The following LEFTY2 variants were observed in gnomAD, a reference collection of about 807,000 sequenced individuals.
LEFTY2 encodes the protein left-right determination factor 2, also known as TGF-beta-4.
A neutral mutation model predicts 26.4 loss-of-function variants in LEFTY2; 10 were observed. That is an observed-to-expected ratio of 0.38 (90% CI 0.23 to 0.64). LEFTY2 has a LOEUF of 0.64. Among genes scored for constraint, LEFTY2 ranks in the 30% least tolerant of loss-of-function variants. The pLI is 0.56. For missense variants in LEFTY2, 407 were observed against 502.1 expected (o/e 0.81, Z 1.81); for synonymous variants, 204 against 234.1 (o/e 0.87, Z 1.17).
chr1:225,939,248 C>T lies in LEFTY2; in HGVS notation c.737+113G>A. 2 of 1,526,390 alleles carry T rather than the reference C, an allele frequency of 1.3e-6. No homozygotes were observed. The highest frequency in any genetic ancestry group is 8.9e-7 in the Non-Finnish European group (1 of 1,124,702). The allele number at this position is 1,526,390 out of a possible 1,614,324, so 94.6% of individuals were successfully genotyped here. A position where few individuals can be genotyped will look rare whatever the true frequency, so the allele number is the denominator to read the frequency against. Reference sequence around the variant, plus strand: ...GCATCCTGGGACAGTCTGCACCGCGCTCTCCCTACCCCTAGCCCACCGCCA... The same window carrying T: ...GCATCCTGGGACAGTCTGCACCGCGTTCTCCCTACCCCTAGCCCACCGCCA... On this transcript the variant is annotated intron_variant, in intron 3 of 3. Coordinates refer to ENST00000366820, the MANE Select transcript of LEFTY2 (RefSeq NM_003240.5). This position sits in a 1 kb window ranked among gnomAD's most constrained non-coding sequence, Gnocchi z 4.1.
In LEFTY2 at chr1:225,937,418, G is replaced by T. The variant is rs191981298; in HGVS notation, c.*23C>A. 2 of 1,613,622 alleles carry T rather than the reference G, an allele frequency of 1.2e-6. No individual in the cohort carries two copies. Among genetic ancestry groups the T allele is most frequent in the African/African-American group, 1.3e-5 (1 of 74,894 alleles). On this transcript the variant is annotated 3_prime_UTR_variant, in exon 4 of 4. Transcript: ENST00000366820. ...CCTCTATGCACACGTTCAGTTAGAG[G>T]GCTCAATGGATACACCAGGCGCCTA...
At chr1:225,938,109 G>A (rs1672203756) in intron 3 of LEFTY2, among the ~76,000 whole-genome samples, 1 of 152,172 alleles carries the variant, frequency 6.6e-6, no homozygotes, top group Admixed American at 6.5e-5. Flanking sequence ...TCCACCTGAG[G>A]CCACTGACAC....
In LEFTY2 at chr1:225,939,328, G is replaced by T. The variant is rs1242145949; in HGVS notation, c.737+33C>A. The T allele has an allele frequency of 6.2e-7, 1 of 1,612,728 alleles. No individual in the cohort carries two copies. The highest frequency in any genetic ancestry group is 2.2e-5 in the East Asian group (1 of 44,820). On this transcript the variant is annotated intron_variant, in intron 3 of 3. Coordinates refer to ENST00000366820, the MANE Select transcript of LEFTY2 (RefSeq NM_003240.5). The surrounding 1 kb of genome is among the most constrained non-coding windows in gnomAD (Gnocchi z 4.1). Reference sequence around the variant, plus strand: ...CGGGGGTCTGGACCACTCAGTGGCTGCTTGCCTCCCTTCTGCCCAGTCCTG... The same window carrying T: ...CGGGGGTCTGGACCACTCAGTGGCTTCTTGCCTCCCTTCTGCCCAGTCCTG...
At position 225,940,934 on chromosome 1, in the gene LEFTY2, G is replaced by A. The variant is rs568973467; in HGVS notation, c.207C>T (p.His69=). ...AQYVVLLRRS[H]GDRSRGKRFS... is the part of the protein sequence containing the mutation. ...ACCTCTTTCCGCGGGAGCGGTCCCC[G>A]TGGCTGCGCCGCAGCAGGACTACAT... Residue 69 remains histidine (H), a synonymous_variant, in exon 1 of 4, where the codon CAC becomes CAT. Transcript: ENST00000366820. 3 of 1,613,638 alleles carry A rather than the reference G, an allele frequency of 1.9e-6. No individual in the cohort carries two copies. The highest frequency in any genetic ancestry group is 2.7e-5 in the African/African-American group (2 of 75,030).
Position 225,937,209 on chromosome 1 carries a change from C to T in LEFTY2, c.*232G>A. ...TTGCTCAGCTGTATCTTGTAATCAG[C>T]ATGCCAGCATTTCCTACTAGAGCTC... is the stretch of plus-strand genomic sequence containing the variant. On this transcript the variant is annotated 3_prime_UTR_variant, in exon 4 of 4. Transcript: ENST00000366820. The T allele has an allele frequency of 1.6e-6, 1 of 632,806 alleles. No homozygotes were observed. The highest frequency in any genetic ancestry group is 2.7e-6 in the Non-Finnish European group (1 of 365,824). The allele number at this position is 632,806 out of a possible 1,614,324, so 39.2% of individuals were successfully genotyped here. A position where few individuals can be genotyped will look rare whatever the true frequency, so the allele number is the denominator to read the frequency against.
At position 225,937,769 on chromosome 1, in the gene LEFTY2, G is replaced by A. The variant is rs143245498; in HGVS notation, c.773C>T (p.Thr258Ile). The A allele has an allele frequency of 4.7e-5, 76 of 1,611,928 alleles. No homozygotes were observed. Among genetic ancestry groups the A allele is most frequent in the African/African-American group, 2.1e-4 (16 of 74,994 alleles). The stretch of plus-strand genomic sequence containing the variant: ...CTGGCGGCAGCAGCGGGTGCCCTCG[G>A]TCATTGGTGCTTCAGGGTCACAGTC... Reference protein sequence around the residue: ...QGDCDPEAPMTEGTRCCRQEM... With the variant: ...QGDCDPEAPMIEGTRCCRQEM... The change falls in exon 4 of 4, where the codon ACC (threonine) becomes ATC (isoleucine). Residue 258 changes from threonine to isoleucine, a missense_variant. Transcript: ENST00000366820.
chr1:225,940,638 C>T (rs557736484), intron 1 of LEFTY2, among the ~76,000 whole-genome samples: 81 of 152,246 alleles, frequency 5.3e-4, no homozygotes, highest in African/African-American at 1.9e-3. Context: ...TCTACCCTCC[C>T]CTTCTCTGAA....
rs1373707906 is a variant in LEFTY2 at position 225,940,000 on chromosome 1, C to T, written c.253G>A (p.Val85Met). Residue 85 changes from valine to methionine, a missense_variant and splice_region_variant, in exon 2 of 4, where the codon GTG becomes ATG. Physicochemically the swap from Val to Met is conservative, Grantham distance 21 (BLOSUM62 1). Transcript: ENST00000366820. The surrounding 1 kb of genome is among the most constrained non-coding windows in gnomAD (Gnocchi z 4.1). ...GKRFSQSFREVAGRFLASEAS... is the reference protein window; with the variant it reads ...GKRFSQSFREMAGRFLASEAS... Reference sequence around the variant, plus strand: ...TCCGACGCCAGGAACCTGCCGGCCACCTCTGGGGACAAGAGCAGGGTCAGC... The same window carrying T: ...TCCGACGCCAGGAACCTGCCGGCCATCTCTGGGGACAAGAGCAGGGTCAGC... 1 of 1,595,750 alleles carries T rather than the reference C, an allele frequency of 6.3e-7. No homozygotes were observed. Among genetic ancestry groups the T allele is most frequent in the Non-Finnish European group, 8.5e-7 (1 of 1,179,618 alleles).
In LEFTY2 at chr1:225,939,818, C is replaced by G. The variant is rs768799650; in HGVS notation, c.435G>C (p.Val145=). ...CGCGGACGCGCAGCCACTCGACGGTCACCCGGGCCTGGGCGCTGCGCGGGG... is the reference window on the plus strand; with the variant it reads ...CGCGGACGCGCAGCCACTCGACGGTGACCCGGGCCTGGGCGCTGCGCGGGG... ...RLSPRSAQAR[V]TVEWLRVRDD... The change falls in exon 2 of 4, where the codon GTG becomes GTC. Residue 145 remains valine, a synonymous_variant. Coordinates refer to ENST00000366820, the MANE Select transcript of LEFTY2 (RefSeq NM_003240.5). The surrounding 1 kb of genome is among the most constrained non-coding windows in gnomAD (Gnocchi z 4.1). The G allele has an allele frequency of 8.4e-5, 130 of 1,554,166 alleles. No homozygotes were observed. Among genetic ancestry groups the G allele is most frequent in the Non-Finnish European group, 1.0e-4 (120 of 1,155,320 alleles).
In LEFTY2 at chr1:225,937,655, G is replaced by T; in HGVS notation, c.887C>A (p.Thr296Asn). The change falls in exon 4 of 4, where the codon ACC becomes AAC. Residue 296 changes from threonine (T) to asparagine (N), a missense_variant. Physicochemically the swap from Thr to Asn is moderately conservative, Grantham distance 65. Coordinates refer to ENST00000366820, the MANE Select transcript of LEFTY2 (RefSeq NM_003240.5). ...PGFLAYECVG[T>N]CQQPPEALAF... ...CAGGGCCTCCGGGGGCTGCTGGCAG[G>T]TGCCCACACACTCGTAAGCCAGGAA... 2 of 1,614,112 alleles carry T rather than the reference G, an allele frequency of 1.2e-6. No homozygotes were observed. The highest frequency in any genetic ancestry group is 1.7e-6 in the Non-Finnish European group (2 of 1,180,038).
chr1:225,937,338 T>A lies in LEFTY2; in HGVS notation c.*103A>T. The A allele has an allele frequency of 6.3e-7, 1 of 1,584,488 alleles. No homozygotes were observed. ...CAGGGCGAAGGTCACACAGGAGCAC[T>A]AAATTGGGATGGAGTAACTTGCTAA... On this transcript the variant is annotated 3_prime_UTR_variant, in exon 4 of 4. Coordinates refer to ENST00000366820, the MANE Select transcript of LEFTY2 (RefSeq NM_003240.5).
chr1:225,937,849 G>T lies in LEFTY2; in HGVS notation c.738-45C>A, dbSNP rs752128236. On this transcript the variant is annotated intron_variant, in intron 3 of 3. Coordinates refer to ENST00000366820, the MANE Select transcript of LEFTY2 (RefSeq NM_003240.5). ...AGGGTCAGAGGTCATCTGGGAGGCT[G>T]AAGTCAGAAGGCCTGGGGCACAGCT... 3.1e-6 allele frequency: 5 copies of T among 1,589,460 alleles called. No individual in the cohort carries two copies. In the East Asian group the frequency reaches 1.1e-4, roughly 36 times the overall value.
chr1:225,940,847 C>T (rs765065148), intron 1 of LEFTY2, 44 bp downstream of exon 1: 16 of 1,612,136 alleles, frequency 9.9e-6, no homozygotes, highest in Non-Finnish European at 1.3e-5. Context: ...AACCGGCCTG[C>T]CCCCGACCAT....
rs1456779886 is a variant in LEFTY2 at position 225,939,857 on chromosome 1, C to A, written c.396G>T (p.Arg132Ser). The A allele has an allele frequency of 1.9e-5, 30 of 1,545,522 alleles. No individual in the cohort carries two copies. The highest frequency in any genetic ancestry group is 2.4e-5 in the Non-Finnish European group (28 of 1,151,984). The stretch of plus-strand genomic sequence containing the variant: ...CGCTGCGCGGGGACAGCCGCCCGTG[C>A]CTGTGCAGCGCGGCCTTGGGGACCG... ...QEPVPKAALH[R>S]HGRLSPRSAQ... Residue 132 changes from arginine to serine, a missense_variant, in exon 2 of 4, where the codon AGG becomes AGT. By Grantham distance (110) the Arg-to-Ser change is moderately radical. Transcript: ENST00000366820. This position sits in a 1 kb window ranked among gnomAD's most constrained non-coding sequence, Gnocchi z 4.1.
chr1:225,940,266 C>G (rs1672288944), intron 1 of LEFTY2, among the ~76,000 whole-genome samples: 1 of 152,258 alleles, frequency 6.6e-6, no homozygotes, highest in Non-Finnish European at 1.5e-5. Flanking sequence ...AGGTGCCTGG[C>G]ACTGGCTCTA....
chr1:225,939,905 G>C lies in LEFTY2; in HGVS notation c.348C>G (p.Ala116=), dbSNP rs755946624. 9 of 1,566,172 alleles carry C rather than the reference G, an allele frequency of 5.7e-6. No individual in the cohort carries two copies. Among genetic ancestry groups the C allele is most frequent in the Middle Eastern group, 2.3e-4 (1 of 4,394 alleles). The change falls in exon 2 of 4, where the codon GCC becomes GCG. Residue 116 remains alanine (A), a synonymous_variant. Transcript: ENST00000366820. The surrounding 1 kb of genome is among the most constrained non-coding windows in gnomAD (Gnocchi z 4.1). ...CCGGCTCCTGGAAGAGCCGCAGCAC[G>C]GCCTGCACCAGCTCGCTGTTGGGCG... ...RLPPNSELVQ[A]VLRLFQEPVP... is the part of the protein sequence containing the mutation.
chr1:225,938,039 T>C (rs1161038574), intron 3 of LEFTY2, among the ~76,000 whole-genome samples: 9 of 118,502 alleles, frequency 7.6e-5, no homozygotes. Flanking sequence ...GTACTTCACA[T>C]GTATTATCTC....
chr1:225,939,722 C>G lies in LEFTY2; in HGVS notation c.497+34G>C. 5 of 1,606,296 alleles carry G rather than the reference C, an allele frequency of 3.1e-6. No homozygotes were observed. The highest frequency in any genetic ancestry group is 3.4e-6 in the Non-Finnish European group (4 of 1,177,730). ...CCCCCAAGCCGGGCCGAGCAGCCTC[C>G]TACTCCTGCCCTGCGCGCCCGCGCG... On this transcript the variant is annotated intron_variant, in intron 2 of 3. Transcript: ENST00000366820. The surrounding 1 kb of genome is among the most constrained non-coding windows in gnomAD (Gnocchi z 4.1).
chr1:225,940,020 G>A lies in LEFTY2; in HGVS notation c.251-18C>T. On this transcript the variant is annotated intron_variant, in intron 1 of 3. Coordinates refer to ENST00000366820, the MANE Select transcript of LEFTY2 (RefSeq NM_003240.5). ...GGCCACCTCTGGGGACAAGAGCAGG[G>A]TCAGCAGGGCCTCCCCGGACTCCAG... 1.3e-6 allele frequency: 2 copies of A among 1,595,688 alleles called. No homozygotes were observed. The highest frequency in any genetic ancestry group is 2.2e-5 in the East Asian group (1 of 44,870).
Sources: allele counts gnomAD v4.1 joint callset (sites outside exome capture counted in the v4.1 genomes callset), GRCh38; gene constraint gnomAD v4.1.1; non-coding constraint Gnocchi (gnomAD v3.1); transcripts MANE v1.5; gene names NCBI Gene and HGNC (gene_info 2026-07-23, HGNC 2026-07-21).